NINJ2: variants seen among roughly 807,000 people sequenced by gnomAD.
The protein encoded by NINJ2 is ninjurin 2.
NINJ2 carries 12 observed loss-of-function variants against 11.7 expected under a neutral mutation model. The observed-to-expected ratio is 1.02, with a 90% confidence interval of 0.66 to 1.66. NINJ2 has a LOEUF of 1.66. NINJ2 is among the 40% of genes most tolerant of loss of function. The probability of loss-of-function intolerance (pLI) is 0.00; values close to 1 mark genes in which losing one functional copy is unlikely to be tolerated. For synonymous variants in NINJ2, 93 were observed against 76.8 expected, an observed-to-expected ratio of 1.21 and a Z score of -1.10; for missense variants, 187 against 181.8, an observed-to-expected ratio of 1.03 and a Z score of -0.16.
chr12:614,810 G>A lies in NINJ2; in HGVS notation c.33+48518C>T, dbSNP rs1329049493. Among the ~76,000 whole-genome samples the A allele has an allele frequency of 6.6e-6, 1 of 152,118 alleles. No homozygotes were observed. Among genetic ancestry groups the A allele is most frequent in the Non-Finnish European group, 1.5e-5 (1 of 68,034 alleles). On this transcript the variant is annotated intron_variant, in intron 1 of 3. Transcript: ENST00000305108. This position sits in a 1 kb window ranked among gnomAD's most constrained non-coding sequence, Gnocchi z 5.1. ...CTAGCTCAGGTTCCCAGAGGCCTAG[G>A]GGCAAGACCATGTCTTCACACGTCG... is the stretch of plus-strand genomic sequence containing the variant.
intron 1 of NINJ2, among the ~76,000 whole-genome samples, chr12:619,804 A>G (rs1392799645): frequency 6.6e-6 from 1 of 152,232 alleles, no homozygotes; most frequent in Non-Finnish European, 1.5e-5. Flanking sequence ...CTACCATTTC[A>G]GGGTCTGGAT....
At chr12:641,325 C>T (rs1428355532) in intron 1 of NINJ2, among the ~76,000 whole-genome samples, 1 of 151,934 alleles carries the variant, frequency 6.6e-6, no homozygotes, top group Admixed American at 6.6e-5. Flanking sequence ...CCCCCTCCAC[C>T]TCCTGCTTTG....
intron 1 of NINJ2, among the ~76,000 whole-genome samples, chr12:571,379 C>T (rs1262745012): frequency 6.6e-6 from 1 of 151,784 alleles, no homozygotes; most frequent in African/African-American, 2.4e-5. Flanking sequence ...ACCAGAGACC[C>T]AGCGGTTTGC....
intron 1 of NINJ2, among the ~76,000 whole-genome samples, chr12:616,130 T>C (rs1948088450): frequency 6.6e-6 from 1 of 152,214 alleles, no homozygotes; most frequent in African/African-American, 2.4e-5. Context: ...AAACCAGGAC[T>C]GCATTGCCAT....
In NINJ2 at chr12:585,113, C is replaced by T. The variant is rs957572419; in HGVS notation, c.34-18935G>A. 1.3e-5 allele frequency among the ~76,000 whole-genome samples: 2 copies of T among 152,220 alleles called. No homozygotes were observed. Among genetic ancestry groups the T allele is most frequent in the Non-Finnish European group, 2.9e-5 (2 of 68,038 alleles). On this transcript the variant is annotated intron_variant, in intron 1 of 3. Transcript: ENST00000305108. The surrounding 1 kb of genome is among the most constrained non-coding windows in gnomAD (Gnocchi z 4.1). ...CAGCCTGGGAGACAGAGCGAGACTCCGTCTCAATAAACACATAAATAAAAG... is the reference window on the plus strand; with the variant it reads ...CAGCCTGGGAGACAGAGCGAGACTCTGTCTCAATAAACACATAAATAAAAG...
At chr12:582,522 A>G (rs1947570627) in intron 1 of NINJ2, among the ~76,000 whole-genome samples, 1 of 90,502 alleles carries the variant, frequency 1.1e-5, no homozygotes, top group Non-Finnish European at 2.1e-5. Context: ...TGAATGAATG[A>G]ATGGACGCAG....
chr12:621,051 C>T (rs1391570753), intron 1 of NINJ2, among the ~76,000 whole-genome samples: 1 of 152,208 alleles, frequency 6.6e-6, no homozygotes, highest in African/African-American at 2.4e-5. Flanking sequence ...CAAACAAGCA[C>T]TCCTGAGTCT....
intron 1 of NINJ2, among the ~76,000 whole-genome samples, chr12:659,167 A>G (rs937379179): frequency 2.0e-5 from 3 of 151,848 alleles, no homozygotes; most frequent in African/African-American, 4.8e-5. Flanking sequence ...TCTTCTATTC[A>G]TAAGTGTTTT....
intron 1 of NINJ2, among the ~76,000 whole-genome samples, chr12:576,212 T>G (rs919563049): frequency 2.0e-5 from 3 of 152,134 alleles, no homozygotes; most frequent in Non-Finnish European, 2.9e-5. Context: ...GGCCTAAAGC[T>G]GCAGCACCGA....
chr12:641,301 C>T (rs1289671731), intron 1 of NINJ2, among the ~76,000 whole-genome samples: 1 of 151,900 alleles, frequency 6.6e-6, no homozygotes, highest in Non-Finnish European at 1.5e-5. Context: ...TCTCCCTTCC[C>T]TCCCCCAACC....
At chr12:635,240 AGG>A (rs779657828) in intron 1 of NINJ2, among the ~76,000 whole-genome samples, 1 of 151,986 alleles carries the variant, frequency 6.6e-6, no homozygotes, top group Non-Finnish European at 1.5e-5. Context: ...TAGTAGAAAC[AGG>A]GTTTCGCCAT....
At chr12:589,995 G>A (rs1343000990) in intron 1 of NINJ2, among the ~76,000 whole-genome samples, 2 of 152,234 alleles carry the variant, frequency 1.3e-5, no homozygotes, top group African/African-American at 2.4e-5. Context: ...TGGGGCAGCG[G>A]ATCAGGGAGG....
intron 1 of NINJ2, among the ~76,000 whole-genome samples, chr12:576,530 TG>T (rs1369443235): frequency 1.3e-5 from 2 of 152,256 alleles, no homozygotes; most frequent in African/African-American, 4.8e-5. Context: ...GCCCTTGCTC[TG>T]TCGCCCAGGC....
intron 1 of NINJ2, among the ~76,000 whole-genome samples, chr12:615,696 T>G (rs182366365): frequency 2.0e-5 from 3 of 152,270 alleles, no homozygotes; most frequent in Admixed American, 2.0e-4. Flanking sequence ...CTTTCTCAGT[T>G]CTCCCAAAGC....
chr12:622,122 GAA>G (rs71045087), intron 1 of NINJ2, among the ~76,000 whole-genome samples: 1,146 of 101,264 alleles, frequency 0.011, 26 homozygotes, highest in African/African-American at 0.035. Context: ...ACTGTGTCGG[GAA>G]AAAAAAAAAA....
At chr12:598,439 C>T (rs1565629379) in intron 1 of NINJ2, among the ~76,000 whole-genome samples, 3 of 152,172 alleles carry the variant, frequency 2.0e-5, no homozygotes, top group Admixed American at 1.3e-4. Flanking sequence ...CCCATCTTAC[C>T]AGACAGGGCT....
chr12:630,192 G>A (rs1385658274), intron 1 of NINJ2, among the ~76,000 whole-genome samples: 1 of 151,860 alleles, frequency 6.6e-6, no homozygotes, highest in Non-Finnish European at 1.5e-5. Context: ...CCTGGGGACT[G>A]CCTGCCTTTG....
At chr12:600,815 G>A (rs1399765086) in intron 1 of NINJ2, among the ~76,000 whole-genome samples, 2 of 151,954 alleles carry the variant, frequency 1.3e-5, no homozygotes, top group Admixed American at 1.3e-4. Flanking sequence ...CAAAAGTGCT[G>A]GGATTACAAG....
chr12:651,357 G>A (rs1044618432), intron 1 of NINJ2, among the ~76,000 whole-genome samples: 10 of 152,148 alleles, frequency 6.6e-5, no homozygotes, highest in South Asian at 2.1e-4. Flanking sequence ...CGATTGCAGC[G>A]CACTCTAGCT....
Sources: allele counts gnomAD v4.1 joint callset (sites outside exome capture counted in the v4.1 genomes callset), GRCh38; gene constraint gnomAD v4.1.1; non-coding constraint Gnocchi (gnomAD v3.1); transcripts MANE v1.5; gene names NCBI Gene and HGNC (gene_info 2026-07-23, HGNC 2026-07-21).